The following NCALD variants were observed in gnomAD, a reference collection of about 807,000 sequenced individuals.
NCALD encodes the protein neurocalcin delta, also known as neurocalcin-delta.
Under a neutral mutation model 18.6 loss-of-function variants are expected in NCALD, and 10 were observed. The observed-to-expected ratio is 0.54, with a 90% CI of 0.33 to 0.91. NCALD has a LOEUF of 0.91. Among genes scored for constraint, NCALD ranks in the 40% least tolerant of loss-of-function variants. The pLI is 0.03. For missense variants in NCALD, 184 were observed against 247.6 expected, an observed-to-expected ratio of 0.74 and a Z score of 1.72; for synonymous variants, 88 against 87.4, an observed-to-expected ratio of 1.01 and a Z score of -0.04.
At chr8:101,773,396 G>A (rs1046960680) in intron 1 of NCALD, among the ~76,000 whole-genome samples, 1 of 152,170 alleles carries the variant, frequency 6.6e-6, no homozygotes, top group Non-Finnish European at 1.5e-5. Context: ...CTGTGCAAAT[G>A]TTCCCTCTCT....
At chr8:101,733,907 G>A (rs78702710) in intron 1 of NCALD, among the ~76,000 whole-genome samples, 1,667 of 152,302 alleles carry the variant, frequency 0.011, 35 homozygotes, top group African/African-American at 0.038. Flanking sequence ...AGTTGAAGGT[G>A]AGCTGAAGGC....
At chr8:101,919,927 G>C (rs1818104712) in intron 2 of NCALD, among the ~76,000 whole-genome samples, 1 of 152,164 alleles carries the variant, frequency 6.6e-6, no homozygotes, top group Non-Finnish European at 1.5e-5. Context: ...CTTACACACT[G>C]TTGGTGGGAA....
rs556565655 is a variant in NCALD, at chr8:101,687,371, A to G, written c.*1938T>C. ...CTTAGGTTAATTCGCTATTTTCCAA[A>G]CACAGATTTTAACACTTGGCCATGG... On this transcript the variant is annotated 3_prime_UTR_variant, in exon 4 of 4. Coordinates refer to ENST00000220931, the MANE Select transcript of NCALD (RefSeq NM_032041.3). The G allele has an allele frequency of 6.5e-6, 1 of 152,774 alleles. No homozygotes were observed. The highest frequency in any genetic ancestry group is 1.5e-5 in the Non-Finnish European group (1 of 68,036). 9.5% of individuals were successfully genotyped at this position (152,774 alleles called of 1,614,324 possible). A position where few individuals can be genotyped will look rare whatever the true frequency, so the allele number is the denominator to read the frequency against.
intron 1 of NCALD, among the ~76,000 whole-genome samples, chr8:102,034,908 A>T (rs1623106): frequency 0.26 from 39,349 of 152,122 alleles, 6,356 homozygotes; most frequent in East Asian, 0.6. Flanking sequence ...ATTGTTGTGT[A>T]ACAACCCTCT....
intron 3 of NCALD, among the ~76,000 whole-genome samples, chr8:101,911,576 T>G (rs1363560812): frequency 6.6e-6 from 1 of 152,062 alleles, no homozygotes; most frequent in Non-Finnish European, 1.5e-5. Flanking sequence ...CAGGCTGGTC[T>G]CGAACTCCTG....
chr8:101,903,714 G>C (rs1483733460), intron 3 of NCALD, among the ~76,000 whole-genome samples: 2 of 152,112 alleles, frequency 1.3e-5, no homozygotes, highest in African/African-American at 4.8e-5. Context: ...TGCCACAAAG[G>C]CATCCCTGCT....
At chr8:102,084,282 C>A (rs1824658047) in intron 1 of NCALD, among the ~76,000 whole-genome samples, 1 of 152,208 alleles carries the variant, frequency 6.6e-6, no homozygotes, top group South Asian at 2.1e-4. Flanking sequence ...GGCCGCGAAT[C>A]TGTATGAGTC....
At chr8:102,104,519 G>A (rs1825385687) in intron 1 of NCALD, among the ~76,000 whole-genome samples, 1 of 152,138 alleles carries the variant, frequency 6.6e-6, no homozygotes, top group African/African-American at 2.4e-5. Flanking sequence ...AACCACAGAG[G>A]ATGTAGGCCT....
intron 2 of NCALD, among the ~76,000 whole-genome samples, chr8:101,955,674 G>A (rs555579883): frequency 1.0e-3 from 153 of 152,076 alleles, no homozygotes; most frequent in Non-Finnish European, 8.1e-4. Context: ...ATCTATTTTC[G>A]GTTTAATTAA....
chr8:101,929,415 A>G (rs1168195450), intron 2 of NCALD, among the ~76,000 whole-genome samples: 20 of 18,386 alleles, frequency 1.1e-3, no homozygotes, highest in South Asian at 4.6e-3. Context: ...GGGAGGGAGG[A>G]AGGGAGGGAG....
chr8:101,970,351 A>G (rs1210672294), intron 2 of NCALD, among the ~76,000 whole-genome samples: 1 of 152,130 alleles, frequency 6.6e-6, no homozygotes, highest in East Asian at 1.9e-4. Flanking sequence ...TGCATTGTGT[A>G]TTATTGCATT....
At chr8:101,946,020 TAATA>T (rs1158686416) in intron 2 of NCALD, among the ~76,000 whole-genome samples, 1 of 152,134 alleles carries the variant, frequency 6.6e-6, no homozygotes, top group African/African-American at 2.4e-5. Context: ...GCATCCCAGT[TAATA>T]AATAGGGCAT....
chr8:102,027,368 T>G (rs1300228336), intron 1 of NCALD, among the ~76,000 whole-genome samples: 23 of 152,260 alleles, frequency 1.5e-4, no homozygotes, highest in Admixed American at 1.4e-3. Flanking sequence ...AAGTTCAAAG[T>G]TCCACAGATC....
At chr8:101,759,415 G>A (rs1811022366) in intron 1 of NCALD, among the ~76,000 whole-genome samples, 1 of 152,144 alleles carries the variant, frequency 6.6e-6, no homozygotes, top group Admixed American at 6.5e-5. Flanking sequence ...GAGGAGGAAA[G>A]AGAGAGACAG....
chr8:101,906,168 C>T (rs1817604440), intron 3 of NCALD, among the ~76,000 whole-genome samples: 1 of 152,164 alleles, frequency 6.6e-6, no homozygotes, highest in Non-Finnish European at 1.5e-5. Context: ...AGACACAGAC[C>T]ACACCTGCTG....
chr8:101,913,378 A>G (rs2131614840), intron 3 of NCALD, among the ~76,000 whole-genome samples: 1 of 152,366 alleles, frequency 6.6e-6, no homozygotes, highest in South Asian at 2.1e-4. Flanking sequence ...ACATGTGTAT[A>G]CCTTTATCCA....
chr8:102,110,056 A>G (rs1300197861), intron 1 of NCALD, among the ~76,000 whole-genome samples: 1 of 152,040 alleles, frequency 6.6e-6, no homozygotes, highest in Non-Finnish European at 1.5e-5. Context: ...TCTGAATTAC[A>G]CCCAGATCTT....
intron 1 of NCALD, among the ~76,000 whole-genome samples, chr8:102,099,094 G>T (rs1825192343): frequency 6.6e-6 from 1 of 152,184 alleles, no homozygotes; most frequent in African/African-American, 2.4e-5. Context: ...AGAAAGACAG[G>T]TTCCTAACAT....
At chr8:101,933,575 A>C (rs1322427459) in intron 2 of NCALD, among the ~76,000 whole-genome samples, 1 of 152,220 alleles carries the variant, frequency 6.6e-6, no homozygotes, top group African/African-American at 2.4e-5. Context: ...TTACAGCAGC[A>C]ATAGGAAACT....
Sources: gnomAD v4.1 joint callset for allele counts (sites outside exome capture counted in the v4.1 genomes callset) on GRCh38, gnomAD v4.1.1 for gene constraint, MANE v1.5 for transcripts, NCBI Gene and HGNC (gene_info 2026-07-23, HGNC 2026-07-21) for gene names.